The following NHERF4 variants were observed in gnomAD, a reference collection of about 807,000 sequenced individuals.
The protein encoded by NHERF4 is Na(+)/H(+) exchange regulatory cofactor NHE-RF4.
At chr11:119,185,567 T>C in the NHERF4 span, 2 of 1,540,808 alleles carry the variant, frequency 1.3e-6, no homozygotes, top group South Asian at 1.1e-5. Context: ...GGGGGCCGAC[T>C]TGGAGGCTGA....
the NHERF4 span, chr11:119,187,154 AAAAAG>A: frequency 2.8e-5 from 24 of 869,162 alleles, no homozygotes; most frequent in South Asian, 4.2e-5. Context: ...AAAAAAAAAA[AAAAAG>A]AAAAAGAAAA....
At chr11:119,188,482 G>T in the NHERF4 span, 1 of 1,610,842 alleles carries the variant, frequency 6.2e-7, no homozygotes, top group Non-Finnish European at 8.5e-7. Flanking sequence ...CAGTGTCCAG[G>T]ATCCAGGGGC....
the NHERF4 span, chr11:119,186,226 G>T: frequency 1.2e-6 from 2 of 1,613,992 alleles, no homozygotes; most frequent in African/African-American, 2.7e-5. This position sits in a 1 kb window ranked among gnomAD's most constrained non-coding sequence, Gnocchi z 4.4. Context: ...GCTCCACACG[G>T]CCTCCGATCT....
chr11:119,187,898 C>T, the NHERF4 span: 4 of 1,493,390 alleles, frequency 2.7e-6, no homozygotes, highest in Non-Finnish European at 3.6e-6. Context: ...CTCTTCTCTC[C>T]CTGCCCAGGT....
the NHERF4 span, chr11:119,190,063 T>C: frequency 9.9e-6 from 5 of 505,418 alleles, no homozygotes; most frequent in Non-Finnish European, 1.4e-5. The surrounding 1 kb of genome is among the most constrained non-coding windows in gnomAD (Gnocchi z 4.2). Context: ...GGTTGAGACC[T>C]GGTCAAATTT....
At chr11:119,187,532 G>T in the NHERF4 span, 3 of 1,610,806 alleles carry the variant, frequency 1.9e-6, no homozygotes, top group South Asian at 3.3e-5. Flanking sequence ...GCAGGAAACA[G>T]ACTGGACCTT....
chr11:119,186,344 C>T, the NHERF4 span: 5 of 1,560,620 alleles, frequency 3.2e-6, no homozygotes, highest in Middle Eastern at 1.7e-4. The surrounding 1 kb of genome is among the most constrained non-coding windows in gnomAD (Gnocchi z 4.4). Context: ...CCCACGAACC[C>T]CACCACCCAA....
chr11:119,186,830 A>G, the NHERF4 span: 2 of 888,976 alleles, frequency 2.2e-6, no homozygotes, highest in Non-Finnish European at 3.3e-6. The surrounding 1 kb of genome is among the most constrained non-coding windows in gnomAD (Gnocchi z 4.4). Flanking sequence ...TCAGAGGGGT[A>G]GGGAAAGCAT....
At chr11:119,187,162 A>T in the NHERF4 span, 1 of 923,480 alleles carries the variant, frequency 1.1e-6, no homozygotes, top group Non-Finnish European at 1.5e-6. Context: ...AAAAAAAGAA[A>T]AAGAAAAAAA....
chr11:119,188,977 CCT>C, the NHERF4 span: 2 of 1,613,808 alleles, frequency 1.2e-6, no homozygotes, highest in Non-Finnish European at 1.7e-6. Context: ...CCCGGTGTCC[CCT>C]GTTCTGCATG....
the NHERF4 span, chr11:119,188,406 T>G: frequency 6.2e-7 from 1 of 1,613,732 alleles, no homozygotes; most frequent in Admixed American, 1.7e-5. Context: ...AAGGCTGGGA[T>G]GCAGGCTGGG....
chr11:119,185,513 A>G, the NHERF4 span: 1 of 1,613,920 alleles, frequency 6.2e-7, no homozygotes, highest in Non-Finnish European at 8.5e-7. Context: ...AGCCGCAGGT[A>G]GGAGGCCAGG....
chr11:119,185,910 T>G, the NHERF4 span: 2 of 1,614,144 alleles, frequency 1.2e-6, no homozygotes, highest in Non-Finnish European at 1.7e-6. Flanking sequence ...TCTCACCCAC[T>G]TCTTTGCCCA....
the NHERF4 span, chr11:119,185,564 G>A: frequency 0.091 from 141,093 of 1,545,974 alleles, 9,756 homozygotes; most frequent in South Asian, 0.31. Flanking sequence ...GCAGGGGGCC[G>A]ACTTGGAGGC....
the NHERF4 span, chr11:119,188,109 T>C: frequency 6.5e-7 from 1 of 1,548,710 alleles, no homozygotes; most frequent in East Asian, 2.4e-5. Flanking sequence ...TTTGGGTTCC[T>C]GCTCCGGGAG....
chr11:119,188,941 C>T, the NHERF4 span: 6 of 1,611,802 alleles, frequency 3.7e-6, no homozygotes, highest in Admixed American at 6.7e-5. Flanking sequence ...GCTTCCCTCC[C>T]AGAGCCTAAA....
chr11:119,187,851 T>C, the NHERF4 span: 3 of 1,467,066 alleles, frequency 2.0e-6, no homozygotes, highest in South Asian at 4.3e-5. Flanking sequence ...CAGGCTCCAC[T>C]TAGTGCCTGG....
At chr11:119,187,710 C>T in the NHERF4 span, 1 of 1,494,016 alleles carries the variant, frequency 6.7e-7, no homozygotes, top group Non-Finnish European at 8.9e-7. Context: ...GGTGTGACTG[C>T]CTGTCTCCCA....
At chr11:119,187,220 G>C in the NHERF4 span, 1 of 1,443,152 alleles carries the variant, frequency 6.9e-7, no homozygotes, top group Non-Finnish European at 9.2e-7. Flanking sequence ...GGTCCTGGGG[G>C]TTGGCAAGAG....
Sources: allele counts gnomAD v4.1 joint callset, GRCh38; gene constraint gnomAD v4.1.1; non-coding constraint Gnocchi (gnomAD v3.1); transcripts MANE v1.5; gene names NCBI Gene and HGNC (gene_info 2026-07-23, HGNC 2026-07-21).